Variants in PDE11A observed in about 807,000 individuals in gnomAD.
PDE11A encodes dual 3',5'-cyclic-AMP and -GMP phosphodiesterase 11A.
Under a neutral mutation model 100.5 loss-of-function variants are expected in PDE11A, and 100 were observed. That is an observed-to-expected ratio of 1.00 (90% confidence interval 0.85 to 1.18). The LOEUF (loss-of-function observed/expected upper bound fraction) is 1.18. Among genes scored for constraint, PDE11A ranks in the 50% most tolerant of loss-of-function variants. PDE11A has a pLI of 0.00. For synonymous variants in PDE11A, 381 were observed against 420.8 expected (o/e 0.91, Z 1.16); for missense variants, 1,141 against 1,152.6 (o/e 0.99, Z 0.15).
Position 177,715,436 on chromosome 2 carries a change from C to T in PDE11A, c.2044-3558G>A, listed in dbSNP as rs1356568634. 3.3e-5 allele frequency among the ~76,000 whole-genome samples: 5 copies of T among 152,082 alleles called. No individual in the cohort carries two copies. In the East Asian group the frequency reaches 9.6e-4, roughly 29 times the overall value. On this transcript the variant is annotated intron_variant, in intron 12 of 19. Coordinates refer to ENST00000286063, the MANE Select transcript of PDE11A (RefSeq NM_016953.4). ...TAATCTGGAGAATCAATTTCTTCAG[C>T]ACAATGAAGAAATTTACTAATCTTT...
rs115915859 is a variant in PDE11A at position 177,771,192 on chromosome 2, C to A, written c.1738-1819G>T. Among the ~76,000 whole-genome samples, 911 of 152,316 alleles carry A rather than the reference C, an allele frequency of 6.0e-3. 13 individuals are homozygous for A. The highest frequency in any genetic ancestry group is 0.02 in the African/African-American group (845 of 41,570). ...TGGGAAATGCTAACTCCTTCTTCAC[C>A]TACAAACCTTAGAGAATCACAGTGC... On this transcript the variant is annotated intron_variant, in intron 9 of 19. Transcript: ENST00000286063.
chr2:178,007,118 A>G (rs934931733), intron 2 of PDE11A, among the ~76,000 whole-genome samples: 1 of 152,244 alleles, frequency 6.6e-6, no homozygotes, highest in African/African-American at 2.4e-5. Context: ...AGATTCAATT[A>G]TAAGAAGAGA....
chr2:177,633,489 T>C (rs969160066), intron 19 of PDE11A, among the ~76,000 whole-genome samples: 11 of 152,246 alleles, frequency 7.2e-5, no homozygotes, highest in African/African-American at 2.7e-4. Context: ...GAAAGCCCGA[T>C]GTCCTTAAGA....
chr2:177,789,318 G>A (rs2082592095), intron 9 of PDE11A, among the ~76,000 whole-genome samples: 2 of 152,134 alleles, frequency 1.3e-5, no homozygotes, highest in South Asian at 2.1e-4. Flanking sequence ...TGCAGAAAAG[G>A]CCTTTGACAA....
chr2:177,900,362 C>T (rs2084677604), intron 3 of PDE11A, among the ~76,000 whole-genome samples: 1 of 152,212 alleles, frequency 6.6e-6, no homozygotes, highest in Non-Finnish European at 1.5e-5. Context: ...TGATCATCAT[C>T]TCAGGGACAT....
intron 2 of PDE11A, among the ~76,000 whole-genome samples, chr2:177,984,409 G>A (rs975880469): frequency 2.0e-5 from 3 of 152,162 alleles, no homozygotes; most frequent in African/African-American, 4.8e-5. Context: ...TTAACTGAGT[G>A]AAAACAACTC....
chr2:177,713,881 C>T lies in PDE11A; in HGVS notation c.2044-2003G>A, dbSNP rs185346036. 6.0e-3 allele frequency among the ~76,000 whole-genome samples: 905 copies of T among 151,892 alleles called. 5 individuals carry two copies. Among genetic ancestry groups the T allele is most frequent in the African/African-American group, 0.021 (861 of 41,424 alleles). ...TATACTGAGACTTAGAACTAAAAATCAGTAGTCCCTCATTATTCTCCTTTC... is the reference window on the plus strand; with the variant it reads ...TATACTGAGACTTAGAACTAAAAATTAGTAGTCCCTCATTATTCTCCTTTC... On this transcript the variant is annotated intron_variant, in intron 12 of 19. Transcript: ENST00000286063.
At chr2:177,763,663 CT>C (rs1483714303) in intron 10 of PDE11A, among the ~76,000 whole-genome samples, 1 of 152,154 alleles carries the variant, frequency 6.6e-6, no homozygotes, top group African/African-American at 2.4e-5. Flanking sequence ...AGGTCTACCC[CT>C]CTTCCTCTTC....
chr2:177,727,836 C>T (rs2081622646), intron 11 of PDE11A, 71 bp from the exon 12 acceptor site: 3 of 1,030,810 alleles, frequency 2.9e-6, no homozygotes, highest in East Asian at 2.4e-5. Context: ...TCAATGGTGC[C>T]TTATATCTGA....
At chr2:177,918,898 A>G (rs1432953262) in intron 2 of PDE11A, among the ~76,000 whole-genome samples, 1 of 152,196 alleles carries the variant, frequency 6.6e-6, no homozygotes, top group East Asian at 1.9e-4. Flanking sequence ...AATTCTTTCA[A>G]ATCTTCAAGA....
intron 1 of PDE11A, among the ~76,000 whole-genome samples, chr2:178,043,505 CA>C (rs1371293128): frequency 9.9e-5 from 15 of 152,128 alleles, no homozygotes; most frequent in African/African-American, 3.6e-4. Context: ...CAAGCGGAGA[CA>C]TAAGAGTCAT....
chr2:177,647,764 T>C (rs1451205508), intron 19 of PDE11A, among the ~76,000 whole-genome samples: 1 of 152,146 alleles, frequency 6.6e-6, no homozygotes, highest in Non-Finnish European at 1.5e-5. Context: ...AAATCCTTTA[T>C]TATGTTGGTG....
At chr2:178,084,133 T>G (rs925510854) in intron 2 of PDE11A, among the ~76,000 whole-genome samples, 1 of 152,230 alleles carries the variant, frequency 6.6e-6, no homozygotes, top group Non-Finnish European at 1.5e-5. Context: ...TATCCCTCCA[T>G]GTGAGAATAA....
intron 2 of PDE11A, among the ~76,000 whole-genome samples, chr2:177,922,409 A>G (rs2085065129): frequency 6.6e-6 from 1 of 152,206 alleles, no homozygotes; most frequent in Admixed American, 6.5e-5. Context: ...CACATTGTGT[A>G]CAGGTACCCT....
rs147061705 is a variant in PDE11A at position 177,727,715 on chromosome 2, T to C, written c.1986A>G (p.Leu662=). 2.6e-5 allele frequency: 42 copies of C among 1,612,402 alleles called. No individual in the cohort carries two copies. Among genetic ancestry groups the C allele is most frequent in the Middle Eastern group, 1.6e-4 (1 of 6,078 alleles). Residue 662 remains leucine, a synonymous_variant, in exon 12 of 20, where the codon CTA becomes CTG. Coordinates refer to ENST00000286063, the MANE Select transcript of PDE11A (RefSeq NM_016953.4). ...LTVRKNYRMV[L]YHNWRHAFNV... Reference sequence around the variant, plus strand: ...TGAAGGCATGTCTCCAGTTGTGGTATAGAACCATCCGATAGTTTTTCCTCA... The same window carrying C: ...TGAAGGCATGTCTCCAGTTGTGGTACAGAACCATCCGATAGTTTTTCCTCA...
At chr2:178,040,059 G>T in intron 1 of PDE11A, among the ~76,000 whole-genome samples, 1 of 136,450 alleles carries the variant, frequency 7.3e-6, no homozygotes, top group Admixed American at 8.3e-5. Flanking sequence ...TCAATGTAGT[G>T]GCTTTTTTTT....
intron 4 of PDE11A, among the ~76,000 whole-genome samples, chr2:177,885,745 A>C (rs151162407): frequency 1.3e-4 from 20 of 152,272 alleles, no homozygotes; most frequent in African/African-American, 4.8e-4. Flanking sequence ...TGCTCGCCCC[A>C]TCTCTTCCCC....
intron 5 of PDE11A, among the ~76,000 whole-genome samples, chr2:177,857,397 A>T (rs76975071): frequency 1.9e-3 from 285 of 152,160 alleles, no homozygotes; most frequent in African/African-American, 6.5e-3. Flanking sequence ...AGTAAATATG[A>T]AAGATAGTAT....
At chr2:177,675,377 A>T in intron 17 of PDE11A, 78 bp downstream of exon 17, 1 of 1,023,898 alleles carries the variant, frequency 9.8e-7, no homozygotes, top group Non-Finnish European at 1.5e-6. Context: ...CCTGGTAGTC[A>T]GGGCTCTGGG....
Sources: gnomAD v4.1 joint callset for allele counts (sites outside exome capture counted in the v4.1 genomes callset) on GRCh38, gnomAD v4.1.1 for gene constraint, MANE v1.5 for transcripts, NCBI Gene and HGNC (gene_info 2026-07-23, HGNC 2026-07-21) for gene names.